The following CRYBG3 variants were observed in gnomAD, a reference collection of about 807,000 sequenced individuals.
CRYBG3 encodes crystallin beta-gamma domain containing 3.
CRYBG3 carries 127 observed loss-of-function variants against 244.2 expected under a neutral mutation model. The observed-to-expected ratio is 0.52, with a 90% confidence interval of 0.45 to 0.60. CRYBG3 has a LOEUF of 0.60. Ranked by LOEUF, CRYBG3 falls within the 20% of genes least tolerant of loss-of-function variation. CRYBG3 has a pLI of 0.00. For synonymous variants in CRYBG3, 1,132 were observed against 1,195.8 expected, an observed-to-expected ratio of 0.95 and a Z score of 1.10; for missense variants, 3,325 against 3,442.5, an observed-to-expected ratio of 0.97 and a Z score of 0.85.
chr3:97,900,632 G>A (rs2039696437), intron 15 of CRYBG3, 147 bp downstream of exon 15: 3 of 598,576 alleles, frequency 5.0e-6, no homozygotes, highest in Non-Finnish European at 9.1e-6. Flanking sequence ...CCTATGAGCA[G>A]AAGAATTCAC....
chr3:97,934,229 T>C (rs1459795620), intron 18 of CRYBG3, among the ~76,000 whole-genome samples: 4 of 152,098 alleles, frequency 2.6e-5, no homozygotes, highest in African/African-American at 9.7e-5. Context: ...GTATTGTTGT[T>C]CATTTAGGTT....
In CRYBG3 at chr3:97,899,237, A is replaced by G. The variant is rs761074686; in HGVS notation, c.7945A>G (p.Ile2649Val). 6.2e-7 allele frequency: 1 copy of G among 1,613,684 alleles called. No homozygotes were observed. ...TGACTGGGGAGGATCAAATAATATAATCATGTCGATACGGCCAATCCAACT... is the reference window on the plus strand; with the variant it reads ...TGACTGGGGAGGATCAAATAATATAGTCATGTCGATACGGCCAATCCAACT... ...FFDWGGSNNIIMSIRPIQLEP... is the reference protein window; with the variant it reads ...FFDWGGSNNIVMSIRPIQLEP... The change falls in exon 14 of 22, where the codon ATC becomes GTC. Residue 2649 changes from isoleucine (I) to valine (V), a missense_variant. Coordinates refer to ENST00000389622, the MANE Select transcript of CRYBG3 (RefSeq NM_153605.4).
intron 15 of CRYBG3, 25 bp downstream of exon 15, chr3:97,900,510 T>C: frequency 7.1e-7 from 1 of 1,415,474 alleles, no homozygotes; most frequent in Non-Finnish European, 9.9e-7. Context: ...ATTCTTGTAA[T>C]TGTTAAATTG....
chr3:97,895,864 A>G (rs914103189), intron 11 of CRYBG3, 95 bp from the exon 12 acceptor site: 4 of 1,114,306 alleles, frequency 3.6e-6, no homozygotes, highest in African/African-American at 1.6e-5. Flanking sequence ...CAATATGGAG[A>G]TGAACCACTA....
chr3:97,910,411 G>A (rs918435917), intron 15 of CRYBG3, among the ~76,000 whole-genome samples: 21 of 150,354 alleles, frequency 1.4e-4, no homozygotes, highest in African/African-American at 2.5e-4. Flanking sequence ...CTCTGTGGGC[G>A]TAGGACCCTC....
At chr3:97,878,093 A>G in intron 4 of CRYBG3, 56 bp downstream of exon 4, 2 of 1,434,316 alleles carry the variant, frequency 1.4e-6, no homozygotes, top group Non-Finnish European at 9.4e-7. Flanking sequence ...GGGTCACGAA[A>G]TTATCTAAAG....
chr3:97,880,927 CATT>C (rs887799641), intron 6 of CRYBG3, 142 bp from the exon 7 acceptor site: 27 of 538,718 alleles, frequency 5.0e-5, no homozygotes, highest in Non-Finnish European at 5.7e-5. Context: ...TAGCATATAT[CATT>C]GTTTCAAAAA....
chr3:97,849,849 G>A (rs559678929), intron 2 of CRYBG3, among the ~76,000 whole-genome samples: 1 of 152,268 alleles, frequency 6.6e-6, no homozygotes, highest in South Asian at 2.1e-4. Context: ...TGCTTTTGCT[G>A]AAATACTTAT....
intron 2 of CRYBG3, among the ~76,000 whole-genome samples, chr3:97,860,118 T>C (rs983925235): frequency 1.3e-5 from 2 of 152,206 alleles, no homozygotes; most frequent in East Asian, 3.9e-4. Context: ...AGCTACTCAC[T>C]GTTTAGCACC....
intron 6 of CRYBG3, 43 bp from the exon 7 acceptor site, chr3:97,881,029 A>G: frequency 6.8e-7 from 1 of 1,477,206 alleles, no homozygotes; most frequent in South Asian, 1.4e-5. Flanking sequence ...CTTATTTCTT[A>G]GAAAATTAAA....
intron 1 of CRYBG3, among the ~76,000 whole-genome samples, chr3:97,830,296 A>G (rs946328438): frequency 3.9e-5 from 6 of 152,038 alleles, no homozygotes; most frequent in African/African-American, 1.2e-4. Context: ...GCTTTTTTCT[A>G]CATCATTAAA....
At position 97,874,036 on chromosome 3, in the gene CRYBG3, C is replaced by T. The variant is rs1022946255; in HGVS notation, c.2842C>T (p.His948Tyr). The change falls in exon 4 of 22, where the codon CAT (histidine) becomes TAT (tyrosine). Residue 948 changes from histidine (H) to tyrosine (Y), a missense_variant. Coordinates refer to ENST00000389622, the MANE Select transcript of CRYBG3 (RefSeq NM_153605.4). The stretch of plus-strand genomic sequence containing the variant: ...TATATCTTGGATTTTACCACCTATT[C>T]ATGATGAAAAAATCAGTAGGCAAAT... ...SNISWILPPI[H>Y]DEKISRQMAQ... 4 of 1,535,644 alleles carry T rather than the reference C, an allele frequency of 2.6e-6. No individual in the cohort carries two copies. The African/African-American group carries it at 4.1e-5, about 16-fold the overall frequency.
intron 15 of CRYBG3, among the ~76,000 whole-genome samples, chr3:97,907,367 A>G (rs1331826520): frequency 6.6e-6 from 1 of 152,044 alleles, no homozygotes. Context: ...CTGTGAATCC[A>G]TCTGGTCCTG....
rs372658686 is a variant in CRYBG3 at position 97,873,046 on chromosome 3, A to G, written c.1852A>G (p.Ser618Gly). Residue 618 changes from serine (S) to glycine (G), a missense_variant, in exon 4 of 22, where the codon AGT becomes GGT. Around this residue, in one of 4 missense-constraint regions of CRYBG3, gnomAD observed 1,526 missense variants for 1,443.2 expected, o/e 1.06. Coordinates refer to ENST00000389622, the MANE Select transcript of CRYBG3 (RefSeq NM_153605.4). ...TGAGTTGAAATTTGAACTTAATAGA[A>G]GTCACATTTCAGAAACTCCTCTTGA... ...APELKFELNRSHISETPLDSE... is the reference protein window; with the variant it reads ...APELKFELNRGHISETPLDSE... 60 of 1,534,946 alleles carry G rather than the reference A, an allele frequency of 3.9e-5. No individual in the cohort carries two copies. The African/African-American group carries it at 5.3e-4, about 14-fold the overall frequency.
intron 18 of CRYBG3, among the ~76,000 whole-genome samples, chr3:97,935,164 T>G (rs1451497114): frequency 6.6e-6 from 1 of 152,080 alleles, no homozygotes; most frequent in African/African-American, 2.4e-5. Flanking sequence ...TGCCACATCT[T>G]TGATCTGTGA....
chr3:97,923,188 T>A (rs1372416115), intron 17 of CRYBG3, among the ~76,000 whole-genome samples: 1 of 151,950 alleles, frequency 6.6e-6, no homozygotes, highest in Admixed American at 6.6e-5. Flanking sequence ...GGACCTGTCA[T>A]GGGGTTGGGG....
Position 97,892,860 on chromosome 3 carries a change from G to T in CRYBG3, c.7441G>T (p.Val2481Phe), listed in dbSNP as rs1387935755. Residue 2481 changes from valine (V) to phenylalanine (F), a missense_variant and splice_region_variant, in exon 11 of 22, where the codon GTT (valine) becomes TTT (phenylalanine). Physicochemically the swap from Val to Phe is conservative, Grantham distance 50. Around this residue, in one of 4 missense-constraint regions of CRYBG3, gnomAD observed 714 missense variants for 803.6 expected, o/e 0.89. Transcript: ENST00000389622. ...LKVEMPMNLK[V>F]IIYEKPHFHG... ...ATAAACATGTTAAATAATTTTTCAGGTTATTATTTATGAAAAACCTCACTT... is the reference window on the plus strand; with the variant it reads ...ATAAACATGTTAAATAATTTTTCAGTTTATTATTTATGAAAAACCTCACTT... The T allele has an allele frequency of 4.2e-6, 6 of 1,437,956 alleles. No homozygotes were observed. The highest frequency in any genetic ancestry group is 3.8e-6 in the Non-Finnish European group (4 of 1,053,338). The allele number at this position is 1,437,956 out of a possible 1,614,324, so 89.1% of individuals were successfully genotyped here.
At position 97,843,267 on chromosome 3, in the gene CRYBG3, G is replaced by A. The variant is rs1191537736; in HGVS notation, c.216+6G>A. ...TTTCATCAGAAGCAGTAAAGGTATAGTTTTAAATTAATATTATTTTATATC... is the reference window on the plus strand; with the variant it reads ...TTTCATCAGAAGCAGTAAAGGTATAATTTTAAATTAATATTATTTTATATC... On this transcript the variant is annotated splice_donor_region_variant and intron_variant, in intron 2 of 21. Coordinates refer to ENST00000389622, the MANE Select transcript of CRYBG3 (RefSeq NM_153605.4). 1.1e-5 allele frequency: 15 copies of A among 1,351,214 alleles called. No individual in the cohort carries two copies. 83.7% of individuals were successfully genotyped at this position (1,351,214 alleles called of 1,614,324 possible).
At position 97,942,309 on chromosome 3, in the gene CRYBG3, T is replaced by G. The variant is rs147784195; in HGVS notation, c.8690T>G (p.Ile2897Ser). ...GCCAGTGATACATGTCTTGATGTGA[T>G]TGGTGGCCGGGACACACCTGGAGCT... ...SKASDTCLDV[I>S]GGRDTPGAKV... The change falls in exon 21 of 22, where the codon ATT becomes AGT. Residue 2897 changes from isoleucine to serine, a missense_variant. By Grantham distance (142) the Ile-to-Ser change is moderately radical. Coordinates refer to ENST00000389622, the MANE Select transcript of CRYBG3 (RefSeq NM_153605.4). The G allele has an allele frequency of 3.0e-4, 484 of 1,610,832 alleles. No homozygotes were observed. The African/African-American group carries it at 5.8e-3, about 19-fold the overall frequency.
Sources: gnomAD v4.1 joint callset for allele counts (sites outside exome capture counted in the v4.1 genomes callset) on GRCh38, gnomAD v4.1.1 for gene constraint, gnomAD v4.1.1 regional missense constraint, MANE v1.5 for transcripts, NCBI Gene and HGNC (gene_info 2026-07-23, HGNC 2026-07-21) for gene names.